SPIRE1: variants seen among roughly 807,000 people sequenced by gnomAD.
The protein encoded by SPIRE1 is spire type actin nucleation factor 1.
A neutral mutation model predicts 94.1 loss-of-function variants in SPIRE1; 40 were observed. That is an observed-to-expected ratio of 0.43 (90% CI 0.33 to 0.55). The LOEUF is 0.55. Among genes scored for constraint, SPIRE1 ranks in the 20% least tolerant of loss-of-function variants. The probability of loss-of-function intolerance (pLI) is 0.06; values close to 1 mark genes in which losing one functional copy is unlikely to be tolerated. For missense variants in SPIRE1, 838 were observed against 975.2 expected, an observed-to-expected ratio of 0.86 and a Z score of 1.87; for synonymous variants, 376 against 371.7, an observed-to-expected ratio of 1.01 and a Z score of -0.13.
At chr18:12,659,157 A>T (rs2038642642), upstream of SPIRE1, among the ~76,000 whole-genome samples, 1 of 152,242 alleles carries the variant, frequency 6.6e-6, no homozygotes, top group African/African-American at 2.4e-5. Flanking sequence ...TGTTGAAAGC[A>T]TCAACCAAAT....
At chr18:12,475,286 G>A (rs981253895) in intron 10 of SPIRE1, among the ~76,000 whole-genome samples, 1 of 152,174 alleles carries the variant, frequency 6.6e-6, no homozygotes, top group Non-Finnish European at 1.5e-5. Context: ...CTGACTCACT[G>A]AACTGACCTC....
intron 2 of SPIRE1, among the ~76,000 whole-genome samples, chr18:12,585,866 G>A (rs9675543): frequency 0.56 from 84,686 of 152,066 alleles, 24,726 homozygotes; most frequent in Middle Eastern, 0.75. Context: ...GGCAAGTGGG[G>A]CCAGAAGAGC....
At chr18:12,472,849 G>A (rs1326712204) in intron 10 of SPIRE1, among the ~76,000 whole-genome samples, 3 of 152,200 alleles carry the variant, frequency 2.0e-5, no homozygotes, top group Non-Finnish European at 2.9e-5. Context: ...CTGGAGTGCA[G>A]TGGCGTGATC....
In SPIRE1 at chr18:12,475,418, C is replaced by G. The variant is rs146303751; in HGVS notation, c.1404+4281G>C. On this transcript the variant is annotated intron_variant, in intron 10 of 16. Coordinates refer to ENST00000409402, the MANE Select transcript of SPIRE1 (RefSeq NM_001128626.2). The stretch of plus-strand genomic sequence containing the variant: ...TATATTCTATTTAAATTATAAACAA[C>G]AGAAGGGCAGAGACCATCATATTTC... Among the ~76,000 whole-genome samples, 493 of 151,986 alleles carry G rather than the reference C, an allele frequency of 3.2e-3. 1 individual carries two copies. Among genetic ancestry groups the G allele is most frequent in the African/African-American group, 0.011 (463 of 41,454 alleles).
intron 10 of SPIRE1, among the ~76,000 whole-genome samples, chr18:12,468,457 C>T (rs1054996075): frequency 1.3e-5 from 2 of 152,088 alleles, no homozygotes; most frequent in Non-Finnish European, 2.9e-5. Context: ...CTGGAAGGGG[C>T]TCTTTTCTCT....
rs573206720 is a variant in SPIRE1, at chr18:12,495,944, A to G, written c.1059+72T>C. The G allele has an allele frequency of 1.0e-5, 12 of 1,177,940 alleles. No homozygotes were observed. In the African/African-American group the frequency reaches 1.1e-4, roughly 10 times the overall value. The allele number at this position is 1,177,940 out of a possible 1,614,324, so 73.0% of individuals were successfully genotyped here. On this transcript the variant is annotated intron_variant, in intron 7 of 16. Coordinates refer to ENST00000409402, the MANE Select transcript of SPIRE1 (RefSeq NM_001128626.2). ...AAACCACCTAGGAAAGCTGAGTTCT[A>G]GAGATGACACCCTAGAGTAGAATAA... is the stretch of plus-strand genomic sequence containing the variant.
chr18:12,661,957 A>T (rs1040665747), upstream of SPIRE1: 2 of 258,492 alleles, frequency 7.7e-6, no homozygotes, highest in African/African-American at 2.3e-5. Context: ...TCTGAATATG[A>T]TTTTGTTTTG....
At chr18:12,612,766 T>C (rs913290764) in intron 2 of SPIRE1, among the ~76,000 whole-genome samples, 13 of 152,352 alleles carry the variant, frequency 8.5e-5, no homozygotes, top group African/African-American at 3.1e-4. Context: ...TGCAGGTGCA[T>C]GGCAGGTGCA....
Position 12,657,976 on chromosome 18 carries a change from CCCAACGCGGCCGCGCGCGCCGCCGCCGG to C in SPIRE1, c.-138_-111del, listed in dbSNP as rs1242707942. 1 of 994,578 alleles carries C rather than the reference CCCAACGCGGCCGCGCGCGCCGCCGCCGG, an allele frequency of 1.0e-6. No homozygotes were observed. The highest frequency in any genetic ancestry group is 1.2e-6 in the Non-Finnish European group (1 of 836,976). The allele number at this position is 994,578 out of a possible 1,614,324, so 61.6% of individuals were successfully genotyped here. Reference sequence around the variant, plus strand: ...CTCACCATCCCCGGAACCGCCGCCGCCCAACGCGGCCGCGCGCGCCGCCGCCGGGACCAGGCGAGTGCCCGGGAGGCGT... The same window carrying C: ...CTCACCATCCCCGGAACCGCCGCCGCGACCAGGCGAGTGCCCGGGAGGCGT... On this transcript the variant is annotated 5_prime_UTR_variant, in exon 1 of 17. Transcript: ENST00000409402.
upstream of SPIRE1, among the ~76,000 whole-genome samples, chr18:12,659,814 CTA>C (rs1429414641): frequency 3.9e-5 from 6 of 152,174 alleles, no homozygotes; most frequent in Non-Finnish European, 8.8e-5. Flanking sequence ...AATGCAGTAT[CTA>C]TGTGTGCCAA....
In SPIRE1 at chr18:12,572,159, G is replaced by A. The variant is rs940278668; in HGVS notation, c.373-25255C>T. Among the ~76,000 whole-genome samples, 6 of 152,164 alleles carry A rather than the reference G, an allele frequency of 3.9e-5. No individual in the cohort carries two copies. In the East Asian group the frequency reaches 5.8e-4, roughly 15 times the overall value. ...AAATCCTAATGACTAGAGGAAGAGC[G>A]AGGATGAAGCTAGACCAGCAGTGGG... On this transcript the variant is annotated intron_variant, in intron 2 of 16. Transcript: ENST00000409402.
At chr18:12,557,973 T>C (rs1567932705) in intron 2 of SPIRE1, among the ~76,000 whole-genome samples, 1 of 152,068 alleles carries the variant, frequency 6.6e-6, no homozygotes, top group Non-Finnish European at 1.5e-5. Flanking sequence ...GATATCCACA[T>C]GCAGAGGAAT....
intron 2 of SPIRE1, among the ~76,000 whole-genome samples, chr18:12,549,439 G>GGTTTTTTTTTTTTTTTTTTTTTTTT (rs2035275774): frequency 2.4e-5 from 1 of 41,248 alleles, no homozygotes; most frequent in Admixed American, 3.9e-4. Flanking sequence ...TGTTATTGTT[G>GGTTTTTTTTTTTTTTTTTTTTTTTT]TTTTTTTTTT....
chr18:12,624,201 C>A (rs975487351), intron 2 of SPIRE1, among the ~76,000 whole-genome samples: 22 of 151,404 alleles, frequency 1.5e-4, no homozygotes, highest in Admixed American at 5.9e-4. Context: ...GGATTACAAG[C>A]GTAAACCACC....
At chr18:12,475,117 A>G (rs1181772594) in intron 10 of SPIRE1, among the ~76,000 whole-genome samples, 1 of 152,192 alleles carries the variant, frequency 6.6e-6, no homozygotes, top group East Asian at 1.9e-4. Flanking sequence ...GCTATTGGGA[A>G]GGCACGGGAG....
intron 2 of SPIRE1, among the ~76,000 whole-genome samples, chr18:12,615,602 T>C (rs1420884957): frequency 6.9e-6 from 1 of 143,912 alleles, no homozygotes; most frequent in Non-Finnish European, 1.5e-5. Context: ...AAATTTGGTA[T>C]ATTTAAATGA....
At chr18:12,634,935 CAAA>C (rs35302137) in intron 2 of SPIRE1, 124 bp downstream of exon 2, 2,223 of 427,976 alleles carry the variant, frequency 5.2e-3, no homozygotes, top group South Asian at 8.6e-3. Context: ...AAGTCCATCT[CAAA>C]AAAAAAAAAA....
rs74858589 is a variant in SPIRE1 at position 12,630,327 on chromosome 18, C to T, written c.372+4735G>A. ...CCAACCAGGAATGACACATAATATGCTGCACGTATAAAGCTAGGCTTGATG... is the reference window on the plus strand; with the variant it reads ...CCAACCAGGAATGACACATAATATGTTGCACGTATAAAGCTAGGCTTGATG... On this transcript the variant is annotated intron_variant, in intron 2 of 16. Transcript: ENST00000409402. 8.8e-3 allele frequency among the ~76,000 whole-genome samples: 1,340 copies of T among 152,258 alleles called. 27 individuals carry two copies. Among genetic ancestry groups the T allele is most frequent in the African/African-American group, 0.03 (1,233 of 41,546 alleles).
intron 10 of SPIRE1, among the ~76,000 whole-genome samples, chr18:12,466,418 A>C (rs1488747620): frequency 6.6e-6 from 1 of 152,086 alleles, no homozygotes; most frequent in African/African-American, 2.4e-5. Flanking sequence ...CTGGGATTAC[A>C]GGTGAGTGCC....
Sources: allele counts gnomAD v4.1 joint callset (sites outside exome capture counted in the v4.1 genomes callset), GRCh38; gene constraint gnomAD v4.1.1; transcripts MANE v1.5; gene names NCBI Gene and HGNC (gene_info 2026-07-23, HGNC 2026-07-21).